The following CREBRF variants were observed in gnomAD, a reference collection of about 807,000 sequenced individuals.
CREBRF encodes the protein CREB3 regulatory factor, also known as UPF0474 protein C5orf41.
CREBRF carries 5 observed loss-of-function variants against 66.1 expected under a neutral mutation model. That is an observed-to-expected ratio of 0.08 (90% CI 0.04 to 0.16). The LOEUF is 0.16. Among genes scored for constraint, CREBRF ranks in the 10% least tolerant of loss-of-function variants. The probability of loss-of-function intolerance (pLI) is 1.00; values close to 1 mark genes in which losing one functional copy is unlikely to be tolerated. For missense variants in CREBRF, 531 were observed against 744.9 expected, an observed-to-expected ratio of 0.71 and a Z score of 3.34; for synonymous variants, 229 against 264.4, an observed-to-expected ratio of 0.87 and a Z score of 1.30.
chr5:173,059,872 T>C (rs1325368265), intron 1 of CREBRF, among the ~76,000 whole-genome samples: 1 of 152,210 alleles, frequency 6.6e-6, no homozygotes, highest in Non-Finnish European at 1.5e-5. Context: ...AGAGGCTAAA[T>C]AGCTCCCGAA....
intron 2 of CREBRF, among the ~76,000 whole-genome samples, chr5:173,081,632 C>T (rs1424021680): frequency 3.9e-5 from 6 of 152,102 alleles, no homozygotes. Context: ...ATTGAAAAGA[C>T]CAGCGGCCGG....
chr5:173,118,804 T>G (rs996899335), intron 7 of CREBRF, among the ~76,000 whole-genome samples: 4 of 149,738 alleles, frequency 2.7e-5, no homozygotes, highest in Non-Finnish European at 5.9e-5. Context: ...CTTTGGGAGG[T>G]CAATTGGGAG....
rs1287009373 is a variant in CREBRF at position 173,137,171 on chromosome 5, AC to A, written c.*3427del. ...CTTGTCCTTTCCTATATCCTTCATG[AC>A]AGATTATGATGTGGCTTTATATTGT... On this transcript the variant is annotated 3_prime_UTR_variant, in exon 9 of 9. Coordinates refer to ENST00000296953, the MANE Select transcript of CREBRF (RefSeq NM_153607.3). 1 of 152,024 alleles carries A rather than the reference AC, an allele frequency of 6.6e-6. No individual in the cohort carries two copies. The highest frequency in any genetic ancestry group is 1.5e-5 in the Non-Finnish European group (1 of 67,926). 9.4% of individuals were successfully genotyped at this position (152,024 alleles called of 1,614,324 possible).
chr5:173,092,216 A>G (rs1344333143), intron 4 of CREBRF: 1 of 966,120 alleles, frequency 1.0e-6, no homozygotes, highest in Non-Finnish European at 1.2e-6. Context: ...CCAATACCCA[A>G]CAAAGTCTAT....
intron 1 of CREBRF, among the ~76,000 whole-genome samples, chr5:173,068,898 A>G (rs2113674574): frequency 6.6e-6 from 1 of 151,316 alleles, no homozygotes; most frequent in South Asian, 2.1e-4. Context: ...GTGAAACCCC[A>G]TCAGTACTGA....
chr5:173,077,291 G>T (rs932829945), intron 1 of CREBRF, among the ~76,000 whole-genome samples: 1 of 151,956 alleles, frequency 6.6e-6, no homozygotes, highest in Non-Finnish European at 1.5e-5. Flanking sequence ...AATTTTTTGT[G>T]GTAAAATATA....
At chr5:173,067,076 G>A (rs754545990) in intron 1 of CREBRF, among the ~76,000 whole-genome samples, 2 of 152,106 alleles carry the variant, frequency 1.3e-5, no homozygotes, top group Non-Finnish European at 2.9e-5. Flanking sequence ...GCCTCCCAAA[G>A]TACTGGGATT....
intron 1 of CREBRF, among the ~76,000 whole-genome samples, chr5:173,056,693 AC>A (rs1231538232): frequency 1.3e-5 from 2 of 150,868 alleles, no homozygotes; most frequent in East Asian, 4.0e-4. Context: ...CCCCTCCCCC[AC>A]CCCCGGCCCG....
At chr5:173,092,596 T>A (rs1438467951) in intron 4 of CREBRF, among the ~76,000 whole-genome samples, 1 of 151,630 alleles carries the variant, frequency 6.6e-6, no homozygotes, top group Admixed American at 6.6e-5. Context: ...AGTTATTATT[T>A]AAAAAAAAAC....
At chr5:173,089,095 T>G (rs1758249764) in intron 3 of CREBRF, among the ~76,000 whole-genome samples, 1 of 151,102 alleles carries the variant, frequency 6.6e-6, no homozygotes, top group African/African-American at 2.4e-5. Context: ...AGAGAATTTC[T>G]TAAATCTGGA....
At chr5:173,125,341 A>G (rs2113799254) in intron 8 of CREBRF, among the ~76,000 whole-genome samples, 1 of 151,880 alleles carries the variant, frequency 6.6e-6, no homozygotes, top group South Asian at 2.1e-4. Context: ...GAATTCTGTC[A>G]CCTTATTTCT....
At chr5:173,065,977 CTTTA>C (rs1757426414) in intron 1 of CREBRF, among the ~76,000 whole-genome samples, 1 of 151,984 alleles carries the variant, frequency 6.6e-6, no homozygotes, top group Non-Finnish European at 1.5e-5. Context: ...TTTTTATTTG[CTTTA>C]TTTTATTTTT....
At chr5:173,074,038 C>G (rs251244) in intron 1 of CREBRF, among the ~76,000 whole-genome samples, 73,925 of 151,526 alleles carry the variant, frequency 0.49, 19,134 homozygotes, top group Non-Finnish European at 0.58. Context: ...TGCGGTGGCT[C>G]ATGCCTGCAA....
chr5:173,088,966 C>T (rs1265747176), intron 3 of CREBRF, among the ~76,000 whole-genome samples: 1 of 151,870 alleles, frequency 6.6e-6, no homozygotes, highest in Non-Finnish European at 1.5e-5. Flanking sequence ...ATCACAAGGT[C>T]AGGAGTTCAA....
intron 8 of CREBRF, among the ~76,000 whole-genome samples, chr5:173,132,063 A>G (rs1427990087): frequency 6.7e-6 from 1 of 148,780 alleles, no homozygotes; most frequent in African/African-American, 2.5e-5. Context: ...ACTTCTTCCT[A>G]TGAGCAATGA....
intron 2 of CREBRF, among the ~76,000 whole-genome samples, chr5:173,081,428 C>CTCTT (rs1319251813): frequency 6.6e-6 from 1 of 152,162 alleles, no homozygotes; most frequent in Non-Finnish European, 1.5e-5. Context: ...CAGTGTTTAG[C>CTCTT]TCTTGCCCCT....
intron 8 of CREBRF, among the ~76,000 whole-genome samples, chr5:173,124,749 A>G (rs146335628): frequency 3.0e-3 from 452 of 151,808 alleles, no homozygotes; most frequent in African/African-American, 9.8e-3. Flanking sequence ...TGTTCTTTCA[A>G]TATGTACTTT....
intron 2 of CREBRF, chr5:173,085,306 G>A (rs1758111037): frequency 1.2e-6 from 1 of 807,062 alleles, no homozygotes; most frequent in Non-Finnish European, 2.0e-6. Flanking sequence ...GTCAACACCA[G>A]CTATGCAGAA....
rs761020358 is a variant in CREBRF at position 173,090,557 on chromosome 5, T to G, written c.378T>G (p.Pro126=). The change falls in exon 4 of 9, where the codon CCT becomes CCG. Residue 126 remains proline, a synonymous_variant. Transcript: ENST00000296953. The surrounding 1 kb of genome is among the most constrained non-coding windows in gnomAD (Gnocchi z 4.5). ...TGGGTCTTGATGACTTTTCTAGTCC[T>G]TACCAAGATGAAGAGGTTATAAGTA... ...DYLGLDDFSS[P]YQDEEVISKT... 1.2e-6 allele frequency: 2 copies of G among 1,614,200 alleles called. No individual in the cohort carries two copies. The highest frequency in any genetic ancestry group is 1.7e-6 in the Non-Finnish European group (2 of 1,180,024).
Sources: allele counts gnomAD v4.1 joint callset (sites outside exome capture counted in the v4.1 genomes callset), GRCh38; gene constraint gnomAD v4.1.1; non-coding constraint Gnocchi (gnomAD v3.1); transcripts MANE v1.5; gene names NCBI Gene and HGNC (gene_info 2026-07-23, HGNC 2026-07-21).